Variants in ZNF487 observed in about 807,000 individuals in gnomAD.
ZNF487 encodes the protein KRAB domain only 1.
A neutral mutation model predicts 3.0 loss-of-function variants in ZNF487; 4 were observed. The observed-to-expected ratio is 1.35, with a 90% CI of 0.66 to 3.08. The LOEUF is 3.08. Ranked by LOEUF, ZNF487 falls within the 30% of genes most tolerant of loss-of-function variation. The probability of loss-of-function intolerance (pLI) is 0.01; values close to 1 mark genes in which losing one functional copy is unlikely to be tolerated. For missense variants in ZNF487, 146 were observed against 98.7 expected, an observed-to-expected ratio of 1.48 and a Z score of -2.03; for synonymous variants, 55 against 34.6, an observed-to-expected ratio of 1.59 and a Z score of -2.06.
the ZNF487 span, among the ~76,000 whole-genome samples, chr10:43,511,937 G>A: frequency 9.8e-4 from 149 of 152,150 alleles, no homozygotes; most frequent in Non-Finnish European, 1.8e-3. Context: ...TTCCAGTAAT[G>A]CTTCTTCCAA....
intron 1 of ZNF487, among the ~76,000 whole-genome samples, chr10:43,449,735 A>C (rs529302198): frequency 6.7e-6 from 1 of 149,762 alleles, no homozygotes; most frequent in South Asian, 2.1e-4. Flanking sequence ...TCTGGAGTGC[A>C]GTGGCACTAT....
rs1839822504 is a variant in ZNF487, at chr10:43,446,734, C to T, written c.-94+9472C>T. Among the ~76,000 whole-genome samples, 3 of 151,648 alleles carry T rather than the reference C, an allele frequency of 2.0e-5. No individual in the cohort carries two copies. The South Asian group carries it at 6.2e-4, about 32-fold the overall frequency. On this transcript the variant is annotated intron_variant, in intron 1 of 3. Transcript: ENST00000437590. ...ACTGGGCTGCCGGGCAGAGGGGCTC[C>T]TCACATCCCAGATGATGGGCGGCCA...
chr10:43,502,716 A>C, the ZNF487 span, among the ~76,000 whole-genome samples: 1 of 152,064 alleles, frequency 6.6e-6, no homozygotes, highest in Non-Finnish European at 1.5e-5. Context: ...ATTATTTCAG[A>C]GTGTACATCT....
intron 1 of ZNF487, among the ~76,000 whole-genome samples, chr10:43,456,102 G>A (rs1484117138): frequency 6.6e-6 from 1 of 152,218 alleles, no homozygotes; most frequent in Admixed American, 6.5e-5. Flanking sequence ...CATAATGGAG[G>A]GCTGCGGGCC....
rs1839925568 is a variant in ZNF487, at chr10:43,449,350, C to T, written c.-94+12088C>T. On this transcript the variant is annotated intron_variant, in intron 1 of 3. Transcript: ENST00000437590. ...AATGGTACTGAAAAGAGAGAAACCACAAGACACTGGTATATATTGACATAC... is the reference window on the plus strand; with the variant it reads ...AATGGTACTGAAAAGAGAGAAACCATAAGACACTGGTATATATTGACATAC... Among the ~76,000 whole-genome samples, 3 of 151,988 alleles carry T rather than the reference C, an allele frequency of 2.0e-5. No homozygotes were observed. The South Asian group carries it at 6.2e-4, about 31-fold the overall frequency.
chr10:43,505,974 A>G, the ZNF487 span, among the ~76,000 whole-genome samples: 1 of 152,244 alleles, frequency 6.6e-6, no homozygotes, highest in Non-Finnish European at 1.5e-5. Flanking sequence ...CATAGAAAAG[A>G]GGATTTCAGT....
intron 3 of ZNF487, among the ~76,000 whole-genome samples, chr10:43,480,036 TTTCTTTCTTTTTC>T (rs1841284569): frequency 1.6e-4 from 8 of 49,326 alleles, no homozygotes; most frequent in African/African-American, 2.6e-4. Flanking sequence ...TCTTTCTTTC[TTTCTTTCTTTTTC>T]TTTCTTTCTT....
the ZNF487 span, among the ~76,000 whole-genome samples, chr10:43,494,920 G>C: frequency 1.5e-5 from 2 of 134,908 alleles, no homozygotes; most frequent in Admixed American, 1.6e-4. Flanking sequence ...CTGGGCAGCA[G>C]AGTGAGACTC....
intron 1 of ZNF487, among the ~76,000 whole-genome samples, chr10:43,464,526 G>A (rs1342957041): frequency 2.6e-5 from 4 of 152,096 alleles, no homozygotes; most frequent in Admixed American, 6.6e-5. Flanking sequence ...GCGGCCTTCC[G>A]CAGTGTTTGT....
intron 1 of ZNF487, among the ~76,000 whole-genome samples, chr10:43,458,579 A>G (rs896962877): frequency 2.0e-5 from 3 of 151,986 alleles, no homozygotes; most frequent in East Asian, 3.9e-4. Context: ...TTTTCCTTTC[A>G]CCCTGGAAAG....
chr10:43,457,154 G>C (rs917963088), intron 1 of ZNF487, among the ~76,000 whole-genome samples: 1 of 152,166 alleles, frequency 6.6e-6, no homozygotes, highest in African/African-American at 2.4e-5. Flanking sequence ...GCTGAGGCAG[G>C]AGAATCCCTT....
the ZNF487 span, among the ~76,000 whole-genome samples, chr10:43,515,233 G>A: frequency 3.3e-5 from 5 of 152,130 alleles, no homozygotes; most frequent in Admixed American, 1.3e-4. Context: ...TGAGTGTAGT[G>A]CATACTCTCA....
At chr10:43,458,483 AAAT>A (rs1471296907) in intron 1 of ZNF487, among the ~76,000 whole-genome samples, 1 of 152,166 alleles carries the variant, frequency 6.6e-6, no homozygotes, top group Non-Finnish European at 1.5e-5. Flanking sequence ...GGGTAACTTT[AAAT>A]AGAGTGAGAT....
chr10:43,466,710 A>AT (rs1430864663), intron 1 of ZNF487, among the ~76,000 whole-genome samples: 2 of 152,082 alleles, frequency 1.3e-5, no homozygotes, highest in Non-Finnish European at 1.5e-5. Flanking sequence ...TGGTTTACTG[A>AT]TTATTTTAAA....
intron 1 of ZNF487, among the ~76,000 whole-genome samples, chr10:43,469,109 C>A (rs1840815305): frequency 6.6e-6 from 1 of 151,902 alleles, no homozygotes; most frequent in Non-Finnish European, 1.5e-5. Context: ...CAAACCACCA[C>A]TAGCAGTCAT....
chr10:43,494,925 A>G, the ZNF487 span, among the ~76,000 whole-genome samples: 1 of 127,242 alleles, frequency 7.9e-6, no homozygotes, highest in Non-Finnish European at 1.7e-5. Context: ...CAGCAGAGTG[A>G]GACTCCATCT....
chr10:43,442,265 C>CAAA (rs1491543293), intron 1 of ZNF487, among the ~76,000 whole-genome samples: 41 of 142,506 alleles, frequency 2.9e-4, no homozygotes, highest in African/African-American at 9.2e-4. Context: ...ACAACAACAA[C>CAAA]AACAAAAAAA....
At chr10:43,445,495 A>C (rs1462978819) in intron 1 of ZNF487, among the ~76,000 whole-genome samples, 1 of 152,158 alleles carries the variant, frequency 6.6e-6, no homozygotes, top group Non-Finnish European at 1.5e-5. Context: ...ACCTGAAAAC[A>C]GTTTGTTCTC....
At chr10:43,490,427 T>TC in the ZNF487 span, among the ~76,000 whole-genome samples, 8 of 149,084 alleles carry the variant, frequency 5.4e-5, no homozygotes, top group South Asian at 1.3e-3. Flanking sequence ...CTTGTGATTT[T>TC]CCCCCCATAT....
Sources: allele counts gnomAD v4.1 joint callset (sites outside exome capture counted in the v4.1 genomes callset), GRCh38; gene constraint gnomAD v4.1.1; transcripts MANE v1.5; gene names NCBI Gene and HGNC (gene_info 2026-07-23, HGNC 2026-07-21).